The following SMARCC1 variants were observed in gnomAD, a reference collection of about 807,000 sequenced individuals.
SMARCC1 encodes the protein SWI/SNF complex subunit SMARCC1.
A neutral mutation model predicts 147.4 loss-of-function variants in SMARCC1; 43 were observed. The ratio of observed to expected loss-of-function variants is 0.29; its 90% confidence interval spans 0.23 to 0.38. SMARCC1 has a LOEUF of 0.38. Ranked by LOEUF, SMARCC1 falls within the 10% of genes least tolerant of loss-of-function variation. The probability of loss-of-function intolerance (pLI) is 1.00; values close to 1 mark genes in which losing one functional copy is unlikely to be tolerated. For missense variants in SMARCC1, 1,119 were observed against 1,381.1 expected, an observed-to-expected ratio of 0.81 and a Z score of 3.01; for synonymous variants, 495 against 484.4, an observed-to-expected ratio of 1.02 and a Z score of -0.29.
chr3:47,610,603 T>C, intron 25 of SMARCC1: 1 of 470,602 alleles, frequency 2.1e-6, no homozygotes, highest in Non-Finnish European at 3.9e-6. Context: ...CTCTTTGGGC[T>C]CACTTGGACA....
At chr3:47,691,954 G>C (rs2033795610) in intron 12 of SMARCC1, among the ~76,000 whole-genome samples, 1 of 152,092 alleles carries the variant, frequency 6.6e-6, no homozygotes, top group African/African-American at 2.4e-5. Flanking sequence ...AACCAAGATC[G>C]TGCCACTGTA....
At position 47,609,978 on chromosome 3, in the gene SMARCC1, AAACACC is replaced by A. The variant is rs1174366885; in HGVS notation, c.3043+82_3043+87del. On this transcript the variant is annotated intron_variant, in intron 26 of 27. Transcript: ENST00000254480. Reference sequence around the variant, plus strand: ...AAAATTTTGAGCAGTCTTCATCAGAAAACACCAACTGTGTGGTTGGCCCCAATGATG... The same window carrying A: ...AAAATTTTGAGCAGTCTTCATCAGAAAACTGTGTGGTTGGCCCCAATGATG... 5 of 1,433,098 alleles carry A rather than the reference AAACACC, an allele frequency of 3.5e-6. No individual in the cohort carries two copies. In the Admixed American group the frequency reaches 9.8e-5, roughly 28 times the overall value. 88.8% of individuals were successfully genotyped at this position (1,433,098 alleles called of 1,614,324 possible).
At chr3:47,746,139 A>C (rs2034561756) in intron 2 of SMARCC1, 146 bp from the exon 3 acceptor site, 1 of 547,410 alleles carries the variant, frequency 1.8e-6, no homozygotes, top group South Asian at 2.9e-5. Context: ...AAACTGAGGA[A>C]TCAATACATT....
At position 47,636,487 on chromosome 3, in the gene SMARCC1, G is replaced by A. The variant is rs531398575; in HGVS notation, c.2377-351C>T. ...GGCCGGGCCGGGTGCAGTAGCTCAC[G>A]CCTGTAATCCCAGCAGTCTGGGAGG... On this transcript the variant is annotated intron_variant, in intron 22 of 27. Coordinates refer to ENST00000254480, the MANE Select transcript of SMARCC1 (RefSeq NM_003074.4). Among the ~76,000 whole-genome samples, 499 of 152,254 alleles carry A rather than the reference G, an allele frequency of 3.3e-3. 2 individuals carry two copies. Among genetic ancestry groups the A allele is most frequent in the African/African-American group, 8.7e-3 (363 of 41,542 alleles).
At chr3:47,659,760 AGG>A (rs71619691) in intron 21 of SMARCC1, among the ~76,000 whole-genome samples, 1,995 of 47,786 alleles carry the variant, frequency 0.042, 256 homozygotes, top group South Asian at 0.21. Context: ...GAAAAAAAAA[AGG>A]GGGGGGGGGC....
chr3:47,621,997 A>G (rs1423450350), intron 25 of SMARCC1, among the ~76,000 whole-genome samples: 1 of 152,178 alleles, frequency 6.6e-6, no homozygotes, highest in Non-Finnish European at 1.5e-5. Flanking sequence ...AGATTTAGAT[A>G]ATTCACTTTA....
At chr3:47,595,792 T>A (rs1307303768) in intron 26 of SMARCC1, among the ~76,000 whole-genome samples, 1 of 150,296 alleles carries the variant, frequency 6.7e-6, no homozygotes, top group African/African-American at 2.4e-5. Flanking sequence ...TGGAGTGCAG[T>A]GGGGCGATCT....
At chr3:47,727,088 C>T (rs2034308594) in intron 6 of SMARCC1, among the ~76,000 whole-genome samples, 1 of 151,988 alleles carries the variant, frequency 6.6e-6, no homozygotes, top group Admixed American at 6.6e-5. Context: ...TGGTGCACTC[C>T]TGTAGTCCCA....
At chr3:47,727,449 G>A (rs958834780) in intron 6 of SMARCC1, among the ~76,000 whole-genome samples, 1 of 152,056 alleles carries the variant, frequency 6.6e-6, no homozygotes, top group East Asian at 1.9e-4. Context: ...GGAGGTTGCA[G>A]TGAGCCGAGA....
At chr3:47,780,656 G>A (rs1037924271) in intron 1 of SMARCC1, among the ~76,000 whole-genome samples, 1 of 152,268 alleles carries the variant, frequency 6.6e-6, no homozygotes, top group Admixed American at 6.5e-5. Flanking sequence ...CACGTTCCCG[G>A]ATACACTGCA....
intron 25 of SMARCC1, among the ~76,000 whole-genome samples, chr3:47,611,673 T>C (rs1393041974): frequency 6.6e-6 from 1 of 152,122 alleles, no homozygotes; most frequent in Admixed American, 6.5e-5. Flanking sequence ...AAAAACTAGA[T>C]GGAATAAGCA....
intron 7 of SMARCC1, 76 bp from the exon 8 acceptor site, chr3:47,714,566 G>C (rs1167042547): frequency 5.2e-6 from 4 of 773,346 alleles, no homozygotes; most frequent in Admixed American, 5.0e-5. Flanking sequence ...CAAATAATAA[G>C]AACATGTTTT....
At chr3:47,622,822 A>T (rs1559627789) in intron 24 of SMARCC1, among the ~76,000 whole-genome samples, 1 of 152,200 alleles carries the variant, frequency 6.6e-6, no homozygotes, top group Non-Finnish European at 1.5e-5. Flanking sequence ...GGGGAAAACA[A>T]TATTTGATCT....
At position 47,699,475 on chromosome 3, in the gene SMARCC1, C is replaced by T. The variant is rs1041672249; in HGVS notation, c.1165+1803G>A. On this transcript the variant is annotated intron_variant, in intron 11 of 27. Transcript: ENST00000254480. ...TGAGTGCAAAATACATACAGACCAA[C>T]GCTGATGAGTCTAGCTTCTCCTAGT... 3.9e-5 allele frequency among the ~76,000 whole-genome samples: 6 copies of T among 152,050 alleles called. 1 individual carries two copies. Among genetic ancestry groups the T allele is most frequent in the Non-Finnish European group, 7.4e-5 (5 of 68,012 alleles).
intron 18 of SMARCC1, among the ~76,000 whole-genome samples, chr3:47,673,399 T>C (rs12636572): frequency 8.5e-5 from 4 of 47,008 alleles, no homozygotes; most frequent in South Asian, 1.3e-3. Context: ...AAAAAAAGGG[T>C]GGGGGGGGGG....
intron 2 of SMARCC1, among the ~76,000 whole-genome samples, chr3:47,751,809 C>T (rs1019773516): frequency 1.3e-5 from 2 of 151,898 alleles, no homozygotes; most frequent in African/African-American, 2.4e-5. Flanking sequence ...CTTGGCCAGG[C>T]GCAGTAGCTC....
At chr3:47,753,489 G>A (rs1465039185) in intron 2 of SMARCC1, among the ~76,000 whole-genome samples, 2 of 151,668 alleles carry the variant, frequency 1.3e-5, no homozygotes, top group Admixed American at 6.6e-5. Context: ...CGAGGCGGGC[G>A]GATCACCTGA....
At chr3:47,734,266 T>G (rs1488352298) in intron 5 of SMARCC1, among the ~76,000 whole-genome samples, 1 of 152,172 alleles carries the variant, frequency 6.6e-6, no homozygotes, top group Non-Finnish European at 1.5e-5. Flanking sequence ...GTTTAAGGAA[T>G]CTGTTCAAAG....
intron 3 of SMARCC1, among the ~76,000 whole-genome samples, chr3:47,740,982 C>A (rs553314781): frequency 1.1e-3 from 171 of 151,964 alleles, no homozygotes; most frequent in Non-Finnish European, 2.0e-3. Flanking sequence ...CATAAACAAC[C>A]AGATATTGTA....
Sources: allele counts gnomAD v4.1 joint callset (sites outside exome capture counted in the v4.1 genomes callset), GRCh38; gene constraint gnomAD v4.1.1; transcripts MANE v1.5; gene names NCBI Gene and HGNC (gene_info 2026-07-23, HGNC 2026-07-21).